The following PNPLA3 variants were observed in gnomAD, a reference collection of about 807,000 sequenced individuals.
The protein encoded by PNPLA3 is patatin like domain 3, 1-acylglycerol-3-phosphate O-acyltransferase, also known as 1-acylglycerol-3-phosphate O-acyltransferase PNPLA3.
In PNPLA3, 42 loss-of-function variants were observed where a neutral mutation model predicts 43.1. The observed-to-expected ratio is 0.97, with a 90% CI of 0.76 to 1.26. The LOEUF is 1.26. Among genes scored for constraint, PNPLA3 ranks in the 50% most tolerant of loss-of-function variants. The pLI is 0.00. For missense variants in PNPLA3, 647 were observed against 621.4 expected (o/e 1.04, Z -0.44); for synonymous variants, 272 against 253.6 (o/e 1.07, Z -0.69).
chr22:43,930,763 G>A (rs1049311148), intron 3 of PNPLA3, among the ~76,000 whole-genome samples: 3 of 152,162 alleles, frequency 2.0e-5, no homozygotes, highest in East Asian at 3.8e-4. Context: ...TGTTCTGCAG[G>A]CTCTGGAGTA....
At chr22:43,936,919 CCTTCCCCT>C in intron 5 of PNPLA3, 124 bp from the exon 6 acceptor site, 10 of 707,510 alleles carry the variant, frequency 1.4e-5, no homozygotes. Flanking sequence ...CGTTCTCTTC[CCTTCCCCT>C]CTTCCCCTTG....
At chr22:43,927,247 C>T in intron 2 of PNPLA3, 80 bp downstream of exon 2, 1 of 1,374,872 alleles carries the variant, frequency 7.3e-7, no homozygotes, top group East Asian at 2.4e-5. Context: ...GCCTGTCATC[C>T]CGGCACTTTG....
At position 43,927,041 on chromosome 22, in the gene PNPLA3, C is replaced by T. The variant is rs1181458572; in HGVS notation, c.294C>T (p.Leu98=). Residue 98 remains leucine (L), a synonymous_variant, in exon 2 of 9, where the codon CTC becomes CTT. Transcript: ENST00000216180. ...TAAGCAAGTTCCTCCGACAGGGTCTCTGCAAATGCCTCCCGGCCAATGTCC... is the reference window on the plus strand; with the variant it reads ...TAAGCAAGTTCCTCCGACAGGGTCTTTGCAAATGCCTCCCGGCCAATGTCC... ...FNLSKFLRQG[L]CKCLPANVHQ... is the part of the protein sequence containing the mutation. The T allele has an allele frequency of 2.5e-6, 4 of 1,614,248 alleles. No homozygotes were observed. Among genetic ancestry groups the T allele is most frequent in the Non-Finnish European group, 2.5e-6 (3 of 1,180,052 alleles).
chr22:43,934,178 A>G (rs2049979483), intron 4 of PNPLA3, among the ~76,000 whole-genome samples: 1 of 151,728 alleles, frequency 6.6e-6, no homozygotes, highest in South Asian at 2.1e-4. Flanking sequence ...TTACCCGGGC[A>G]TGGTGGCGGG....
chr22:43,934,922 T>C (rs949745449), intron 5 of PNPLA3, among the ~76,000 whole-genome samples: 1 of 152,100 alleles, frequency 6.6e-6, no homozygotes, highest in Non-Finnish European at 1.5e-5. Flanking sequence ...AACTGGGATG[T>C]CATGACTCCA....
chr22:43,946,418 G>A lies in PNPLA3; in HGVS notation c.*36G>A. ...GAGGCGAGTCTAGCAGATTCTTTCA[G>A]AGGTGCTAAAGTTTCCCATCTTTGT... On this transcript the variant is annotated 3_prime_UTR_variant, in exon 9 of 9. Transcript: ENST00000216180. 1 of 1,590,160 alleles carries A rather than the reference G, an allele frequency of 6.3e-7. No homozygotes were observed. The highest frequency in any genetic ancestry group is 8.6e-7 in the Non-Finnish European group (1 of 1,158,416).
chr22:43,940,997 G>T (rs1986015349), intron 7 of PNPLA3, among the ~76,000 whole-genome samples: 1 of 151,300 alleles, frequency 6.6e-6, no homozygotes, highest in Non-Finnish European at 1.5e-5. Flanking sequence ...AAATTAGCTG[G>T]GCATGGTGGT....
chr22:43,934,185 C>T (rs1186443714), intron 4 of PNPLA3, among the ~76,000 whole-genome samples: 5 of 151,814 alleles, frequency 3.3e-5, no homozygotes, highest in East Asian at 3.9e-4. Flanking sequence ...GGCATGGTGG[C>T]GGGCACCTGT....
chr22:43,928,299 C>G (rs1285147448), intron 2 of PNPLA3, among the ~76,000 whole-genome samples: 2 of 152,214 alleles, frequency 1.3e-5, no homozygotes, highest in African/African-American at 4.8e-5. Context: ...ACCGTGGTGC[C>G]TGCTGACTGC....
Position 43,939,897 on chromosome 22 carries a change from C to T in PNPLA3, c.980-96C>T, listed in dbSNP as rs148028675. The T allele has an allele frequency of 3.3e-3, 5,187 of 1,566,592 alleles. 17 individuals are homozygous for T. Among genetic ancestry groups the T allele is most frequent in the Non-Finnish European group, 4.2e-3 (4,768 of 1,139,254 alleles). On this transcript the variant is annotated intron_variant, in intron 6 of 8. Coordinates refer to ENST00000216180, the MANE Select transcript of PNPLA3 (RefSeq NM_025225.3). Reference sequence around the variant, plus strand: ...GCCTCTGACCCTTTGGCTGCCAGGACGGGCGTATTTTATGGAAATGCTAAG... The same window carrying T: ...GCCTCTGACCCTTTGGCTGCCAGGATGGGCGTATTTTATGGAAATGCTAAG...
At chr22:43,943,674 ACATAGGGTGGTTG>A (rs2050045183) in intron 7 of PNPLA3, among the ~76,000 whole-genome samples, 1 of 152,158 alleles carries the variant, frequency 6.6e-6, no homozygotes, top group African/African-American at 2.4e-5. Flanking sequence ...ACACTGGGAA[ACATAGGGTGGTTG>A]CATGCTGCAG....
intron 7 of PNPLA3, among the ~76,000 whole-genome samples, chr22:43,941,986 A>G (rs535378304): frequency 6.6e-6 from 1 of 152,268 alleles, no homozygotes; most frequent in South Asian, 2.1e-4. Context: ...GTGGCCCTGG[A>G]CTTGGCAGTT....
At chr22:43,941,843 T>C (rs2050033195) in intron 7 of PNPLA3, among the ~76,000 whole-genome samples, 1 of 148,378 alleles carries the variant, frequency 6.7e-6, no homozygotes, top group African/African-American at 2.5e-5. Context: ...GAAAGAAAAA[T>C]ATTGAGCTAA....
chr22:43,943,076 T>C (rs1451558114), intron 7 of PNPLA3, among the ~76,000 whole-genome samples: 1 of 152,170 alleles, frequency 6.6e-6, no homozygotes, highest in African/African-American at 2.4e-5. Flanking sequence ...TGTCTTCTAG[T>C]CCTATCCTAC....
At chr22:43,934,174 G>A (rs1024173187) in intron 4 of PNPLA3, among the ~76,000 whole-genome samples, 4 of 151,780 alleles carry the variant, frequency 2.6e-5, no homozygotes, top group African/African-American at 9.7e-5. Flanking sequence ...AAAATTACCC[G>A]GGCATGGTGG....
chr22:43,936,750 C>G (rs1174177868), intron 5 of PNPLA3, among the ~76,000 whole-genome samples: 5 of 152,212 alleles, frequency 3.3e-5, no homozygotes, highest in African/African-American at 1.2e-4. Flanking sequence ...GCAGGTGTAA[C>G]CAGTGGTTCA....
In PNPLA3 at chr22:43,942,705, T is replaced by TTTC. The variant is rs1555886179; in HGVS notation, c.1113-1984_1113-1983insCTT. On this transcript the variant is annotated intron_variant, in intron 7 of 8. Transcript: ENST00000216180. The stretch of plus-strand genomic sequence containing the variant: ...TTCCCTTCCATTTTCTTTTTTCTTT[T>TTTC]TTTTTTTTTTTTTTTGAGACAGGGT... Among the ~76,000 whole-genome samples the TTTC allele has an allele frequency of 1.4e-3, 195 of 144,182 alleles. 3 individuals carry two copies. The East Asian group carries it at 0.018, about 14-fold the overall frequency. 94.6% of individuals were successfully genotyped at this position (144,182 alleles called of 152,430 possible). A position where few individuals can be genotyped will look rare whatever the true frequency, so the allele number is the denominator to read the frequency against.
chr22:43,928,528 C>G (rs569740230), intron 2 of PNPLA3, among the ~76,000 whole-genome samples: 7 of 151,928 alleles, frequency 4.6e-5, no homozygotes, highest in African/African-American at 1.7e-4. Context: ...GTCCATGAGC[C>G]AACAACCCTT....
chr22:43,934,201 C>T (rs1205528104), intron 4 of PNPLA3, among the ~76,000 whole-genome samples: 1 of 151,770 alleles, frequency 6.6e-6, no homozygotes, highest in Non-Finnish European at 1.5e-5. Flanking sequence ...CCTGTAATCC[C>T]AGCTACTAGG....
Sources: allele counts gnomAD v4.1 joint callset (sites outside exome capture counted in the v4.1 genomes callset), GRCh38; gene constraint gnomAD v4.1.1; transcripts MANE v1.5; gene names NCBI Gene and HGNC (gene_info 2026-07-23, HGNC 2026-07-21).